The following LRRIQ1 variants were observed in gnomAD, a reference collection of about 807,000 sequenced individuals.
The protein encoded by LRRIQ1 is leucine-rich repeat- and IQ domain-containing protein 1.
In LRRIQ1, 210 loss-of-function variants were observed where a neutral mutation model predicts 211.9. The ratio of observed to expected loss-of-function variants is 0.99; its 90% confidence interval spans 0.89 to 1.11. The LOEUF (loss-of-function observed/expected upper bound fraction) is 1.11, where lower values mean the gene tolerates loss of function less well. LRRIQ1 is among the 50% of genes most tolerant of loss of function. The pLI is 0.00. For synonymous variants in LRRIQ1, 699 were observed against 650.1 expected (o/e 1.08, Z -1.14); for missense variants, 2,136 against 1,939.5 (o/e 1.10, Z -1.90).
chr12:85,197,327 G>T (rs1371458745), intron 24 of LRRIQ1, among the ~76,000 whole-genome samples: 1 of 151,550 alleles, frequency 6.6e-6, no homozygotes, highest in Non-Finnish European at 1.5e-5. Flanking sequence ...CCCATTACTG[G>T]GTATATACCC....
At chr12:85,265,219 G>C (rs1016665762), downstream of LRRIQ1, among the ~76,000 whole-genome samples, 1 of 151,974 alleles carries the variant, frequency 6.6e-6, no homozygotes, top group African/African-American at 2.4e-5. Flanking sequence ...ACAAGTAGCT[G>C]TAATAGGTTT....
At chr12:85,171,134 C>A (rs1435107966) in intron 24 of LRRIQ1, among the ~76,000 whole-genome samples, 2 of 151,696 alleles carry the variant, frequency 1.3e-5, no homozygotes, top group Non-Finnish European at 2.9e-5. Context: ...TTTGAGGATA[C>A]GGAAGAAGAA....
At chr12:85,195,345 C>T (rs1035337539) in intron 24 of LRRIQ1, among the ~76,000 whole-genome samples, 2 of 151,436 alleles carry the variant, frequency 1.3e-5, no homozygotes, top group Non-Finnish European at 2.9e-5. Flanking sequence ...CATTCTGATA[C>T]CAAAGCCAGG....
chr12:85,064,252 A>G lies in LRRIQ1; in HGVS notation c.2392-1010A>G, dbSNP rs540612927. Among the ~76,000 whole-genome samples, 3 of 151,858 alleles carry G rather than the reference A, an allele frequency of 2.0e-5. No homozygotes were observed. The South Asian group carries it at 6.3e-4, about 32-fold the overall frequency. On this transcript the variant is annotated intron_variant, in intron 8 of 26. Transcript: ENST00000393217. ...GAGTTGATATCTCATTGTCGTTTTG[A>G]TTTACATTTATCTGATGATCAGTGA...
chr12:85,150,176 G>T (rs183162169), intron 19 of LRRIQ1, among the ~76,000 whole-genome samples: 2 of 151,830 alleles, frequency 1.3e-5, no homozygotes, highest in Non-Finnish European at 2.9e-5. Flanking sequence ...GACAGTGCTG[G>T]TCGTTTTCCA....
intron 15 of LRRIQ1, among the ~76,000 whole-genome samples, chr12:85,111,278 A>T (rs1379432424): frequency 6.6e-6 from 1 of 152,124 alleles, no homozygotes; most frequent in Non-Finnish European, 1.5e-5. Flanking sequence ...ACTGACATAT[A>T]ACCACTCTGC....
chr12:85,182,158 C>T (rs1057028218), intron 24 of LRRIQ1, among the ~76,000 whole-genome samples: 3 of 152,010 alleles, frequency 2.0e-5, no homozygotes, highest in African/African-American at 7.2e-5. Flanking sequence ...AAATCTTCCC[C>T]TTTTGTACCA....
chr12:85,267,554 T>C (rs966362310), downstream of LRRIQ1, among the ~76,000 whole-genome samples: 1 of 152,060 alleles, frequency 6.6e-6, no homozygotes, highest in Non-Finnish European at 1.5e-5. Flanking sequence ...CTCCCAAAGT[T>C]ATTGGATTCA....
Position 85,040,577 on chromosome 12 carries a change from G to C in LRRIQ1, c.220G>C (p.Asp74His). 6.3e-7 allele frequency: 1 copy of C among 1,591,254 alleles called. No individual in the cohort carries two copies. The highest frequency in any genetic ancestry group is 1.1e-5 in the South Asian group (1 of 88,966). Residue 74 changes from aspartate (D) to histidine (H), a missense_variant, in exon 3 of 27, where the codon GAC (aspartate) becomes CAC (histidine). Transcript: ENST00000393217. ...SKAVEELILQ[D>H]LEDTDILSCS... Reference sequence around the variant, plus strand: ...AGCTGTTGAAGAGCTCATTCTTCAGGACCTGGAAGATACTGATATTTTAAG... The same window carrying C: ...AGCTGTTGAAGAGCTCATTCTTCAGCACCTGGAAGATACTGATATTTTAAG...
At chr12:85,084,003 G>T (rs897947279) in intron 11 of LRRIQ1, among the ~76,000 whole-genome samples, 5 of 152,058 alleles carry the variant, frequency 3.3e-5, no homozygotes, top group Admixed American at 2.0e-4. Context: ...ATTATTTTCT[G>T]TCTCCCAGAT....
chr12:85,138,983 TG>T (rs1161522296), intron 19 of LRRIQ1, among the ~76,000 whole-genome samples: 1 of 150,694 alleles, frequency 6.6e-6, no homozygotes, highest in African/African-American at 2.4e-5. Flanking sequence ...TCATGAGGAG[TG>T]AACAAGGATA....
At chr12:85,136,840 G>A in intron 18 of LRRIQ1, among the ~76,000 whole-genome samples, 1 of 151,712 alleles carries the variant, frequency 6.6e-6, no homozygotes, top group Non-Finnish European at 1.5e-5. Context: ...TCTATTTTAA[G>A]TCACTTTAAA....
intron 24 of LRRIQ1, among the ~76,000 whole-genome samples, chr12:85,176,449 G>T (rs543707523): frequency 6.6e-6 from 1 of 151,464 alleles, no homozygotes; most frequent in East Asian, 1.9e-4. Context: ...GTAGGGACAT[G>T]GATGAAATTG....
chr12:85,081,912 G>A (rs1170024144), intron 11 of LRRIQ1, among the ~76,000 whole-genome samples: 3 of 151,426 alleles, frequency 2.0e-5, no homozygotes, highest in Non-Finnish European at 4.4e-5. Context: ...TAGTAGAGAA[G>A]GGGTTTCACC....
chr12:85,129,763 T>C (rs1888623840), intron 18 of LRRIQ1, among the ~76,000 whole-genome samples: 1 of 152,154 alleles, frequency 6.6e-6, no homozygotes, highest in Non-Finnish European at 1.5e-5. Context: ...AAAGGTCTTA[T>C]ATGATATGGA....
intron 2 of LRRIQ1, among the ~76,000 whole-genome samples, chr12:85,040,200 AT>A (rs1183918487): frequency 6.6e-6 from 1 of 151,636 alleles, no homozygotes; most frequent in Non-Finnish European, 1.5e-5. Context: ...ATATACAACT[AT>A]TGAGGGCATT....
At chr12:85,165,374 T>C (rs1021838127) in intron 24 of LRRIQ1, among the ~76,000 whole-genome samples, 2 of 151,996 alleles carry the variant, frequency 1.3e-5, no homozygotes, top group African/African-American at 4.8e-5. Context: ...CTCCCACTTA[T>C]AAGTGAGAAC....
intron 24 of LRRIQ1, among the ~76,000 whole-genome samples, chr12:85,215,401 G>A (rs1565908222): frequency 1.3e-5 from 2 of 152,094 alleles, no homozygotes; most frequent in Non-Finnish European, 2.9e-5. Flanking sequence ...TTGTTACATA[G>A]CTAGACTTGT....
rs377231060 is a variant in LRRIQ1, at chr12:85,127,882, G to A, written c.4058G>A (p.Arg1353Lys). 1.2e-6 allele frequency: 2 copies of A among 1,613,862 alleles called. No homozygotes were observed. The highest frequency in any genetic ancestry group is 2.7e-5 in the African/African-American group (2 of 74,852). Residue 1353 changes from arginine (R) to lysine (K), a missense_variant, in exon 18 of 27, where the codon AGA becomes AAA. Physicochemically the swap from Arg to Lys is conservative, Grantham distance 26. Coordinates refer to ENST00000393217, the MANE Select transcript of LRRIQ1 (RefSeq NM_001079910.2). ...QSYWRGYLMR[R>K]QTHFSTRLHT... Reference sequence around the variant, plus strand: ...TACTGGCGTGGTTACCTCATGCGCAGACAGACTCATTTCTCCACAAGGCTA... The same window carrying A: ...TACTGGCGTGGTTACCTCATGCGCAAACAGACTCATTTCTCCACAAGGCTA...
Sources: allele counts gnomAD v4.1 joint callset (sites outside exome capture counted in the v4.1 genomes callset), GRCh38; gene constraint gnomAD v4.1.1; transcripts MANE v1.5; gene names NCBI Gene and HGNC (gene_info 2026-07-23, HGNC 2026-07-21).